The following RBFOX3 variants were observed in gnomAD, a reference collection of about 807,000 sequenced individuals.
RBFOX3 encodes RNA binding protein fox-1 homolog 3.
In RBFOX3, 17 loss-of-function variants were observed where a neutral mutation model predicts 48.7. That is an observed-to-expected ratio of 0.35 (90% confidence interval 0.24 to 0.52). The LOEUF (loss-of-function observed/expected upper bound fraction) is 0.52, where lower values mean the gene tolerates loss of function less well. RBFOX3 is among the 20% of genes least tolerant of loss of function. The pLI, the probability that RBFOX3 is intolerant of heterozygous loss-of-function variation, is 0.94. For missense variants in RBFOX3, 382 were observed against 497.5 expected (o/e 0.77, Z 2.21); for synonymous variants, 212 against 209.5 (o/e 1.01, Z -0.10).
At chr17:79,628,342 C>T in the RBFOX3 span, among the ~76,000 whole-genome samples, 1 of 152,270 alleles carries the variant, frequency 6.6e-6, no homozygotes, top group Non-Finnish European at 1.5e-5. Context: ...ATCGTTTCCC[C>T]CTCGAAGACT....
chr17:79,157,990 G>A (rs2046198310), intron 4 of RBFOX3, among the ~76,000 whole-genome samples: 1 of 152,190 alleles, frequency 6.6e-6, no homozygotes, highest in African/African-American at 2.4e-5. Context: ...CTAACCCCTA[G>A]TACCTTAGAA....
the RBFOX3 span, among the ~76,000 whole-genome samples, chr17:79,618,502 G>A: frequency 1.9e-4 from 29 of 152,322 alleles, no homozygotes; most frequent in East Asian, 5.4e-3. Flanking sequence ...CTGGGGGAAG[G>A]AGGGCCGTGC....
rs72853551 is a variant in RBFOX3, at chr17:79,432,952, G to A, written c.-175+49502C>T. ...TAAGTAAAACGTTTAGAATCCGGTC[G>A]CTCTCCTCCCTCTTCTCTTGCTCCC... is the stretch of plus-strand genomic sequence containing the variant. On this transcript the variant is annotated intron_variant, in intron 2 of 14. Coordinates refer to ENST00000693108, the MANE Select transcript of RBFOX3 (RefSeq NM_001350451.2). 5.4e-3 allele frequency among the ~76,000 whole-genome samples: 823 copies of A among 152,232 alleles called. 4 individuals carry two copies. The highest frequency in any genetic ancestry group is 8.6e-3 in the Non-Finnish European group (583 of 68,000).
rs1013915362 is a variant in RBFOX3 at position 79,531,158 on chromosome 17, A to G, written c.-319-48560T>C. ...TTCCTTCCCAGAAGGTGCTACACGG[A>G]AAAGCCCCATTGTCACTCCCAAGCC... is the stretch of plus-strand genomic sequence containing the variant. On this transcript the variant is annotated intron_variant, in intron 1 of 14. Coordinates refer to ENST00000693108, the MANE Select transcript of RBFOX3 (RefSeq NM_001350451.2). Among the ~76,000 whole-genome samples the G allele has an allele frequency of 3.3e-4, 50 of 152,328 alleles. 2 individuals are homozygous for G. In the South Asian group the frequency reaches 9.7e-3, roughly 30 times the overall value.
At chr17:79,155,340 C>A (rs2045538640) in intron 4 of RBFOX3, among the ~76,000 whole-genome samples, 1 of 152,184 alleles carries the variant, frequency 6.6e-6, no homozygotes, top group Non-Finnish European at 1.5e-5. Flanking sequence ...GCTCCTCGGG[C>A]AACCCCAACT....
chr17:79,128,418 A>C (rs2037900337), intron 4 of RBFOX3, among the ~76,000 whole-genome samples: 2 of 152,160 alleles, frequency 1.3e-5, no homozygotes, highest in Non-Finnish European at 2.9e-5. Flanking sequence ...AGGATCCGCC[A>C]GGGCTTTCCC....
At chr17:79,318,003 C>T (rs1488092237) in intron 2 of RBFOX3, among the ~76,000 whole-genome samples, 4 of 152,132 alleles carry the variant, frequency 2.6e-5, no homozygotes, top group Non-Finnish European at 4.4e-5. Flanking sequence ...TGTCTTTACC[C>T]CCTTTAAAAA....
chr17:79,136,871 A>T (rs2040329446), intron 4 of RBFOX3, among the ~76,000 whole-genome samples: 1 of 152,164 alleles, frequency 6.6e-6, no homozygotes, highest in Non-Finnish European at 1.5e-5. Flanking sequence ...ACCACCTGGC[A>T]GGGGCCACCC....
At chr17:79,144,209 T>A (rs1405919611) in intron 4 of RBFOX3, among the ~76,000 whole-genome samples, 1 of 152,168 alleles carries the variant, frequency 6.6e-6, no homozygotes, top group Non-Finnish European at 1.5e-5. Context: ...CTCCAAGCCG[T>A]CCTGGCATCA....
At chr17:79,374,690 G>A (rs140049883) in intron 2 of RBFOX3, among the ~76,000 whole-genome samples, 1 of 152,226 alleles carries the variant, frequency 6.6e-6, no homozygotes, top group African/African-American at 2.4e-5. Flanking sequence ...GTTTTCACAC[G>A]TGTAGGTGTG....
Position 79,610,960 on chromosome 17 carries a change from C to T in RBFOX3, c.-454G>A, listed in dbSNP as rs2093957251. Reference sequence around the variant, plus strand: ...GCCAGCGGCAAGGGGCGCGCGAGGCCGGGCTCGGGCGGCAGCTGTGGCAGC... The same window carrying T: ...GCCAGCGGCAAGGGGCGCGCGAGGCTGGGCTCGGGCGGCAGCTGTGGCAGC... On this transcript the variant is annotated 5_prime_UTR_variant, in exon 1 of 15. Transcript: ENST00000693108. Among the ~76,000 whole-genome samples, 3 of 151,138 alleles carry T rather than the reference C, an allele frequency of 2.0e-5. No homozygotes were observed. In the South Asian group the frequency reaches 6.2e-4, roughly 31 times the overall value.
intron 4 of RBFOX3, among the ~76,000 whole-genome samples, chr17:79,200,300 C>T (rs2056544979): frequency 6.6e-6 from 1 of 152,250 alleles, no homozygotes; most frequent in Non-Finnish European, 1.5e-5. Flanking sequence ...CTGGACAAAC[C>T]CTCTTCACCA....
In RBFOX3 at chr17:79,362,591, C is replaced by T. The variant is rs1003870081; in HGVS notation, c.-174-54767G>A. The stretch of plus-strand genomic sequence containing the variant: ...CCTTTATGTCCCGCGTGTGAGGGGC[C>T]CAGAGGCCTCTTTGCAAAGCTTGAA... On this transcript the variant is annotated intron_variant, in intron 2 of 14. Coordinates refer to ENST00000693108, the MANE Select transcript of RBFOX3 (RefSeq NM_001350451.2). This position sits in a 1 kb window ranked among gnomAD's most constrained non-coding sequence, Gnocchi z 4.2. Among the ~76,000 whole-genome samples, 2 of 152,154 alleles carry T rather than the reference C, an allele frequency of 1.3e-5. No homozygotes were observed. Among genetic ancestry groups the T allele is most frequent in the Non-Finnish European group, 2.9e-5 (2 of 68,018 alleles).
intron 4 of RBFOX3, among the ~76,000 whole-genome samples, chr17:79,160,870 C>T (rs1349001826): frequency 6.6e-6 from 1 of 151,390 alleles, no homozygotes; most frequent in Non-Finnish European, 1.5e-5. Context: ...ATCCCAACTA[C>T]TTAGGAGGCT....
Position 79,115,694 on chromosome 17 carries a change from C to CGGGGGGGGTGGAGGGGGG in RBFOX3, c.21_22insCCCCCCTCCACCCCCCCC (p.Pro7_Ala8insProProSerThrProPro). 6.8e-6 allele frequency: 1 copy of CGGGGGGGGTGGAGGGGGG among 147,668 alleles called. No individual in the cohort carries two copies. The highest frequency in any genetic ancestry group is 7.5e-5 in the South Asian group (1 of 13,378). 9.1% of individuals were successfully genotyped at this position (147,668 alleles called of 1,614,324 possible). A position where few individuals can be genotyped will look rare whatever the true frequency, so the allele number is the denominator to read the frequency against. On this transcript the variant is annotated inframe_insertion, in exon 5 of 15. Coordinates refer to ENST00000693108, the MANE Select transcript of RBFOX3 (RefSeq NM_001350451.2). ...TTCTGTGGCGGAGGGGGGTACTGGG[C>CGGGGGGGGTGGAGGGGGG]GGGGGGGTAGGGCTGGGCCATCGCT... is the stretch of plus-strand genomic sequence containing the variant.
intron 5 of RBFOX3, among the ~76,000 whole-genome samples, chr17:79,115,211 C>T (rs779409483): frequency 5.3e-5 from 8 of 152,236 alleles, no homozygotes; most frequent in Non-Finnish European, 7.3e-5. Flanking sequence ...GGCTGGAGGA[C>T]GGTGGCTGCC....
Position 79,117,094 on chromosome 17 carries a change from G to A in RBFOX3, c.-33-1346C>T, listed in dbSNP as rs555960690. Reference sequence around the variant, plus strand: ...GAGGCGGCAGAGGGAAAGGGGCTCCGGCCTCCTCCACTCGCTGTCCTCCAC... The same window carrying A: ...GAGGCGGCAGAGGGAAAGGGGCTCCAGCCTCCTCCACTCGCTGTCCTCCAC... On this transcript the variant is annotated intron_variant, in intron 4 of 14. Coordinates refer to ENST00000693108, the MANE Select transcript of RBFOX3 (RefSeq NM_001350451.2). Among the ~76,000 whole-genome samples the A allele has an allele frequency of 3.2e-3, 481 of 152,270 alleles. 2 individuals are homozygous for A. The highest frequency in any genetic ancestry group is 4.9e-3 in the Non-Finnish European group (332 of 68,006).
intron 2 of RBFOX3, among the ~76,000 whole-genome samples, chr17:79,378,652 C>T (rs56039694): frequency 6.6e-6 from 1 of 152,092 alleles, no homozygotes; most frequent in African/African-American, 2.4e-5. Flanking sequence ...TCCTCTCGCT[C>T]TCCTGCTCTG....
chr17:79,218,942 C>A lies in RBFOX3; in HGVS notation c.-34+16824G>T, dbSNP rs116438283. ...TGACCAGCGGTGAGCTTGACCCTCG[C>A]GATTCTGACTCCCAGGGGCCATCCG... On this transcript the variant is annotated intron_variant, in intron 4 of 14. Transcript: ENST00000693108. Among the ~76,000 whole-genome samples the A allele has an allele frequency of 2.9e-3, 441 of 152,334 alleles. 4 individuals carry two copies. Among genetic ancestry groups the A allele is most frequent in the African/African-American group, 8.2e-3 (340 of 41,590 alleles).
Sources: gnomAD v4.1 joint callset for allele counts (sites outside exome capture counted in the v4.1 genomes callset) on GRCh38, gnomAD v4.1.1 for gene constraint, Gnocchi (gnomAD v3.1) non-coding constraint, MANE v1.5 for transcripts, NCBI Gene and HGNC (gene_info 2026-07-23, HGNC 2026-07-21) for gene names.